Variants in GRM5 observed in about 807,000 individuals in gnomAD.
The protein encoded by GRM5 is metabotropic glutamate receptor 5.
Under a neutral mutation model 83.1 loss-of-function variants are expected in GRM5, and 19 were observed. The ratio of observed to expected loss-of-function variants is 0.23; its 90% CI spans 0.16 to 0.34. The LOEUF (loss-of-function observed/expected upper bound fraction) is 0.34. Ranked by LOEUF, GRM5 falls within the 10% of genes least tolerant of loss-of-function variation. The pLI is 1.00. For synonymous variants in GRM5, 675 were observed against 633.6 expected, an observed-to-expected ratio of 1.07 and a Z score of -0.98; for missense variants, 1,160 against 1,588.3, an observed-to-expected ratio of 0.73 and a Z score of 4.58.
chr11:88,816,898 GAA>G (rs1943701641), intron 3 of GRM5, among the ~76,000 whole-genome samples: 5 of 151,956 alleles, frequency 3.3e-5, no homozygotes, highest in African/African-American at 1.2e-4. Context: ...AAATAAAATA[GAA>G]AAGTTCCTTC....
intron 2 of GRM5, among the ~76,000 whole-genome samples, chr11:88,857,780 G>A (rs1388439018): frequency 2.0e-5 from 3 of 151,970 alleles, no homozygotes; most frequent in African/African-American, 7.2e-5. Context: ...AATAAAGAAG[G>A]AAGTTAAATG....
intron 9 of GRM5, among the ~76,000 whole-genome samples, chr11:88,518,004 C>T (rs562806227): frequency 2.0e-5 from 3 of 151,940 alleles, no homozygotes; most frequent in Admixed American, 6.6e-5. Flanking sequence ...ACCAGCTCCT[C>T]CTTTTTTTCA....
intron 2 of GRM5, among the ~76,000 whole-genome samples, chr11:88,961,594 T>C (rs1358394388): frequency 9.2e-5 from 14 of 152,216 alleles, no homozygotes; most frequent in Admixed American, 9.2e-4. Context: ...ATGAGAAGTA[T>C]GGGCAAGATA....
intron 2 of GRM5, among the ~76,000 whole-genome samples, chr11:88,945,645 T>C (rs1311966343): frequency 2.6e-5 from 4 of 151,978 alleles, no homozygotes; most frequent in African/African-American, 9.7e-5. Context: ...GTAAGGAATG[T>C]CTATTCAATC....
In GRM5 at chr11:88,974,631, G is replaced by T. The variant is rs140823246; in HGVS notation, c.661+72581C>A. On this transcript the variant is annotated intron_variant, in intron 2 of 9. Transcript: ENST00000305447. The stretch of plus-strand genomic sequence containing the variant: ...CATTTCAGAATACCTTAACACCCTA[G>T]GCCATCATTTGTGTTTCAGTTTGTA... Among the ~76,000 whole-genome samples the T allele has an allele frequency of 3.0e-3, 457 of 152,086 alleles. 4 individuals are homozygous for T. The highest frequency in any genetic ancestry group is 0.011 in the African/African-American group (437 of 41,522).
intron 2 of GRM5, among the ~76,000 whole-genome samples, chr11:88,881,438 C>T (rs1054101195): frequency 5.9e-5 from 9 of 151,676 alleles, no homozygotes; most frequent in Non-Finnish European, 1.2e-4. Context: ...AGATAAACAT[C>T]TTCTGCGATA....
intron 2 of GRM5, among the ~76,000 whole-genome samples, chr11:88,973,548 A>G (rs1471948601): frequency 6.6e-6 from 1 of 152,098 alleles, no homozygotes; most frequent in Non-Finnish European, 1.5e-5. Context: ...GCCAAGAAAC[A>G]TTGATAACCA....
intron 3 of GRM5, among the ~76,000 whole-genome samples, chr11:88,770,626 A>C (rs1462347595): frequency 6.6e-6 from 1 of 152,100 alleles, no homozygotes; most frequent in East Asian, 1.9e-4. Flanking sequence ...TTGGTTATAT[A>C]TTTGATTTAT....
At chr11:88,899,003 C>CA (rs1008023997) in intron 2 of GRM5, among the ~76,000 whole-genome samples, 11 of 151,972 alleles carry the variant, frequency 7.2e-5, no homozygotes, top group African/African-American at 2.2e-4. Context: ...TCGAACGAAT[C>CA]AAAGGGATAT....
intron 2 of GRM5, among the ~76,000 whole-genome samples, chr11:88,853,733 G>A (rs1944425199): frequency 6.6e-6 from 1 of 151,434 alleles, no homozygotes. Context: ...ATACTTAAAA[G>A]TCATTGAAAG....
At chr11:88,711,102 C>G (rs1941270153) in intron 3 of GRM5, among the ~76,000 whole-genome samples, 1 of 151,962 alleles carries the variant, frequency 6.6e-6, no homozygotes, top group South Asian at 2.1e-4. Context: ...GGCCTACTTA[C>G]CAGACCTAAA....
intron 3 of GRM5, among the ~76,000 whole-genome samples, chr11:88,660,378 A>G (rs1939873184): frequency 6.6e-6 from 1 of 152,164 alleles, no homozygotes; most frequent in Admixed American, 6.6e-5. Context: ...TTTATATGGA[A>G]GACTAATTAT....
At chr11:88,572,842 T>A (rs944292618) in intron 7 of GRM5, among the ~76,000 whole-genome samples, 8 of 152,108 alleles carry the variant, frequency 5.3e-5, no homozygotes, top group South Asian at 2.1e-4. Flanking sequence ...TACCTAAGAG[T>A]CTAAAGCGCA....
At chr11:88,796,899 CGTGTGTGTGTGT>C (rs36203408) in intron 3 of GRM5, among the ~76,000 whole-genome samples, 11,979 of 143,398 alleles carry the variant, frequency 0.084, 995 homozygotes, top group African/African-American at 0.21. Context: ...CACACACACA[CGTGTGTGTGTGT>C]GTGTGTGTGT....
rs546569269 is a variant in GRM5, at chr11:88,579,680, G to A, written c.1690+10921C>T. 2.0e-5 allele frequency among the ~76,000 whole-genome samples: 3 copies of A among 152,282 alleles called. No homozygotes were observed. The East Asian group carries it at 5.8e-4, about 29-fold the overall frequency. Reference sequence around the variant, plus strand: ...AAAAAGACCAATGTATTGGGAGGAAGAACCAGATGAAGTGAAGGGAAAAGT... The same window carrying A: ...AAAAAGACCAATGTATTGGGAGGAAAAACCAGATGAAGTGAAGGGAAAAGT... On this transcript the variant is annotated intron_variant, in intron 7 of 9. Transcript: ENST00000305447.
intron 2 of GRM5, among the ~76,000 whole-genome samples, chr11:88,971,113 G>A (rs1430175879): frequency 6.6e-6 from 1 of 151,492 alleles, no homozygotes; most frequent in African/African-American, 2.4e-5. Context: ...GTTGAAAATG[G>A]GACTTATGAA....
At chr11:88,969,726 A>G (rs1939109230) in intron 2 of GRM5, among the ~76,000 whole-genome samples, 1 of 152,130 alleles carries the variant, frequency 6.6e-6, no homozygotes, top group Admixed American at 6.6e-5. Context: ...AACAGGGAAG[A>G]AATAAACTGA....
intron 2 of GRM5, among the ~76,000 whole-genome samples, chr11:89,009,793 C>T (rs1200661139): frequency 8.9e-5 from 13 of 145,836 alleles, no homozygotes; most frequent in South Asian, 4.5e-4. Context: ...CCCAGCTACT[C>T]GGGAGGCTGA....
At chr11:88,658,521 G>A (rs921258224) in intron 3 of GRM5, among the ~76,000 whole-genome samples, 7 of 152,150 alleles carry the variant, frequency 4.6e-5, no homozygotes, top group African/African-American at 7.2e-5. Context: ...AGGGTTTAGA[G>A]ACTCTGCTCC....
Sources: allele counts gnomAD v4.1 joint callset (sites outside exome capture counted in the v4.1 genomes callset), GRCh38; gene constraint gnomAD v4.1.1; transcripts MANE v1.5; gene names NCBI Gene and HGNC (gene_info 2026-07-23, HGNC 2026-07-21).